Variants in TTLL4 observed in about 807,000 individuals in gnomAD.
TTLL4 encodes the protein tubulin monoglutamylase TTLL4.
A neutral mutation model predicts 122.7 loss-of-function variants in TTLL4; 85 were observed. The ratio of observed to expected loss-of-function variants is 0.69; its 90% CI spans 0.58 to 0.83. The LOEUF (loss-of-function observed/expected upper bound fraction) is 0.83, where lower values mean the gene tolerates loss of function less well. TTLL4 is among the 40% of genes least tolerant of loss of function. The probability of loss-of-function intolerance (pLI) is 0.00; values close to 1 mark genes in which losing one functional copy is unlikely to be tolerated. For missense variants in TTLL4, 1,363 were observed against 1,488.6 expected (o/e 0.92, Z 1.39); for synonymous variants, 553 against 563.0 (o/e 0.98, Z 0.25).
intron 2 of TTLL4, among the ~76,000 whole-genome samples, chr2:218,729,065 T>C (rs1024707260): frequency 1.3e-5 from 2 of 151,864 alleles, no homozygotes; most frequent in Non-Finnish European, 2.9e-5. Flanking sequence ...CCCAAGTAGC[T>C]GGGATTATGG....
Position 218,737,618 on chromosome 2 carries a change from T to C in TTLL4, c.-59T>C, listed in dbSNP as rs1575171882. The C allele has an allele frequency of 6.6e-7, 1 of 1,512,572 alleles. No homozygotes were observed. Among genetic ancestry groups the C allele is most frequent in the Non-Finnish European group, 8.9e-7 (1 of 1,129,558 alleles). The allele number at this position is 1,512,572 out of a possible 1,614,324, so 93.7% of individuals were successfully genotyped here. ...AGGATGCAGCTGCTACTACCGGAGG[T>C]GTGTGGCACCTTACCTCAGCAAGGC... is the stretch of plus-strand genomic sequence containing the variant. On this transcript the variant is annotated 5_prime_UTR_variant, in exon 3 of 20. Transcript: ENST00000392102.
rs1942619652 is a variant in TTLL4, at chr2:218,738,909, T to C, written c.1233T>C (p.Asn411=). The C allele has an allele frequency of 6.2e-7, 1 of 1,614,210 alleles. No homozygotes were observed. The highest frequency in any genetic ancestry group is 1.3e-5 in the African/African-American group (1 of 75,046). Residue 411 remains asparagine (N), a synonymous_variant, in exon 3 of 20, where the codon AAT becomes AAC. Transcript: ENST00000392102. The stretch of plus-strand genomic sequence containing the variant: ...CCTCAGATACCTTGGGGTTGGACAA[T>C]ACAGTCTTCTGTACCAAGCGTATCA... ...PGASDTLGLD[N]TVFCTKRISI...
At chr2:218,729,038 T>G (rs1205817173) in intron 2 of TTLL4, among the ~76,000 whole-genome samples, 1 of 151,070 alleles carries the variant, frequency 6.6e-6, no homozygotes, top group Non-Finnish European at 1.5e-5. Context: ...GTTCAAGAGA[T>G]GCTCCTGCCT....
At chr2:218,731,080 C>T (rs965276948) in intron 2 of TTLL4, among the ~76,000 whole-genome samples, 1 of 151,546 alleles carries the variant, frequency 6.6e-6, no homozygotes, top group Admixed American at 6.6e-5. Flanking sequence ...CCGCTGCACT[C>T]CAGCCTTGGT....
At position 218,747,605 on chromosome 2, in the gene TTLL4, A is replaced by T; in HGVS notation, c.2258A>T (p.His753Leu). 1 of 1,614,212 alleles carries T rather than the reference A, an allele frequency of 6.2e-7. No homozygotes were observed. Among genetic ancestry groups the T allele is most frequent in the Non-Finnish European group, 8.5e-7 (1 of 1,180,022 alleles). ...RRPLLVQRYL[H>L]KPYLISGSKF... Reference sequence around the variant, plus strand: ...GCCTTTGTCCTATGTAGGTATCTACACAAACCCTACCTCATCAGCGGCAGC... The same window carrying T: ...GCCTTTGTCCTATGTAGGTATCTACTCAAACCCTACCTCATCAGCGGCAGC... The change falls in exon 11 of 20, where the codon CAC becomes CTC. Residue 753 changes from histidine (H) to leucine (L), a missense_variant. By Grantham distance (99) the His-to-Leu change is moderately conservative (BLOSUM62 -3). Around this residue, in one of 3 missense-constraint regions of TTLL4, gnomAD observed 596 missense variants for 655.8 expected, o/e 0.91. Coordinates refer to ENST00000392102, the MANE Select transcript of TTLL4 (RefSeq NM_014640.5). The surrounding 1 kb of genome is among the most constrained non-coding windows in gnomAD (Gnocchi z 4.7).
chr2:218,733,518 G>A (rs1206672396), intron 2 of TTLL4, among the ~76,000 whole-genome samples: 1 of 152,100 alleles, frequency 6.6e-6, no homozygotes, highest in Non-Finnish European at 1.5e-5. Context: ...CCAACATTGG[G>A]GATTACAACT....
In TTLL4 at chr2:218,738,299, C is replaced by T. The variant is rs757990121; in HGVS notation, c.623C>T (p.Pro208Leu). The T allele has an allele frequency of 3.3e-5, 54 of 1,614,012 alleles. No homozygotes were observed. The highest frequency in any genetic ancestry group is 3.9e-5 in the Non-Finnish European group (46 of 1,180,034). ...GCCATCTCAGGGAAGATCCCATCTC[C>T]ACTCTCTTCCTCCTATAAGCCCATG... ...ASAISGKIPS[P>L]LSSSYKPMLN... Residue 208 changes from proline to leucine, a missense_variant, in exon 3 of 20, where the codon CCA becomes CTA. Coordinates refer to ENST00000392102, the MANE Select transcript of TTLL4 (RefSeq NM_014640.5).
downstream of TTLL4, among the ~76,000 whole-genome samples, chr2:218,759,194 G>A (rs1362162487): frequency 7.2e-5 from 11 of 152,212 alleles, no homozygotes; most frequent in African/African-American, 2.2e-4. Context: ...GCGGTGAGCC[G>A]AGATCGCCCC....
At chr2:218,714,656 G>A (rs570050128) in intron 1 of TTLL4, among the ~76,000 whole-genome samples, 1 of 152,082 alleles carries the variant, frequency 6.6e-6, no homozygotes, top group African/African-American at 2.4e-5. Context: ...TAGACCGGCA[G>A]TGCTCAGAGC....
chr2:218,719,300 G>T (rs115044478), intron 1 of TTLL4, among the ~76,000 whole-genome samples: 1 of 152,102 alleles, frequency 6.6e-6, no homozygotes, highest in Non-Finnish European at 1.5e-5. Flanking sequence ...AGCTTATAGG[G>T]CATATCACTA....
At chr2:218,753,937 C>T (rs1164925034) in intron 19 of TTLL4, among the ~76,000 whole-genome samples, 197 bp from the exon 20 acceptor site, 1 of 151,252 alleles carries the variant, frequency 6.6e-6, no homozygotes, top group Non-Finnish European at 1.5e-5. Flanking sequence ...CTACCCGCAC[C>T]CCCATTCACT....
At position 218,754,724 on chromosome 2, in the gene TTLL4, T is replaced by G; in HGVS notation, c.*335T>G. ...CCATGTGTGGTTTGTCTGGGGGCCC[T>G]GGTGTGGTTGCTGAGTTGTAGCTCA... On this transcript the variant is annotated 3_prime_UTR_variant, in exon 20 of 20. Transcript: ENST00000392102. 1 of 345,996 alleles carries G rather than the reference T, an allele frequency of 2.9e-6. No homozygotes were observed. The highest frequency in any genetic ancestry group is 5.3e-6 in the Non-Finnish European group (1 of 187,668). The allele number at this position is 345,996 out of a possible 1,614,324, so 21.4% of individuals were successfully genotyped here.
rs548186206 is a variant in TTLL4, at chr2:218,730,311, C to CAAAAAAAAAAAAAAAAAA, written c.-99+2985_-99+3002dup. 7.6e-3 allele frequency among the ~76,000 whole-genome samples: 108 copies of CAAAAAAAAAAAAAAAAAA among 14,302 alleles called. 31 individuals are homozygous for CAAAAAAAAAAAAAAAAAA. The highest frequency in any genetic ancestry group is 0.016 in the East Asian group (9 of 558). The allele number at this position is 14,302 out of a possible 152,430, so 9.4% of individuals were successfully genotyped here. A position where few individuals can be genotyped will look rare whatever the true frequency, so the allele number is the denominator to read the frequency against. On this transcript the variant is annotated intron_variant, in intron 2 of 19. Transcript: ENST00000392102. ...TGAAACCCCATCTTTACTAAAAATC[C>CAAAAAAAAAAAAAAAAAA]AAAAAAAAAAAAAAAAAAAAAAAAA...
chr2:218,750,570 C>T (rs934586644), intron 15 of TTLL4, among the ~76,000 whole-genome samples: 2 of 152,086 alleles, frequency 1.3e-5, no homozygotes, highest in African/African-American at 4.8e-5. Flanking sequence ...CCTGGGCAGT[C>T]AGGGTCCCAG....
rs751409202 is a variant in TTLL4, at chr2:218,747,556, A to G, written c.2250-41A>G. On this transcript the variant is annotated intron_variant, in intron 10 of 19. Transcript: ENST00000392102. This position sits in a 1 kb window ranked among gnomAD's most constrained non-coding sequence, Gnocchi z 4.7. ...GTGGCTTGGTTACCCACTGAGCCCC[A>G]TCATCTGGCTGTATGAGAAGCTGGC... 1 of 1,608,052 alleles carries G rather than the reference A, an allele frequency of 6.2e-7. No homozygotes were observed. The highest frequency in any genetic ancestry group is 1.3e-5 in the African/African-American group (1 of 74,826).
chr2:218,750,434 G>T (rs903064456), intron 15 of TTLL4, among the ~76,000 whole-genome samples: 2 of 152,128 alleles, frequency 1.3e-5, no homozygotes, highest in Admixed American at 6.5e-5. Flanking sequence ...GAAGCAGGGG[G>T]ATCTTTTAAG....
intron 1 of TTLL4, among the ~76,000 whole-genome samples, chr2:218,720,597 G>A (rs1942004447): frequency 6.6e-6 from 1 of 151,062 alleles, no homozygotes; most frequent in Admixed American, 6.6e-5. Context: ...TTGCATGAAC[G>A]CGGGAGGCAG....
chr2:218,745,783 C>T lies in TTLL4; in HGVS notation c.1879C>T (p.His627Tyr). 1.2e-6 allele frequency: 2 copies of T among 1,613,382 alleles called. No individual in the cohort carries two copies. The highest frequency in any genetic ancestry group is 1.1e-5 in the South Asian group (1 of 90,896). ...NIVKQTIGRSHFKISKRNDDW... is the reference protein window; with the variant it reads ...NIVKQTIGRSYFKISKRNDDW... The stretch of plus-strand genomic sequence containing the variant: ...TGTCAAGCAGACCATTGGACGGTCC[C>T]ACTTCAAAATCAGCAAAAGTGAGTT... Residue 627 changes from histidine (H) to tyrosine (Y), a missense_variant, in exon 7 of 20, where the codon CAC becomes TAC. Physicochemically the swap from His to Tyr is moderately conservative, Grantham distance 83. Around this residue, in one of 3 missense-constraint regions of TTLL4, gnomAD observed 760 missense variants for 808.4 expected, o/e 0.94. Transcript: ENST00000392102.
intron 15 of TTLL4, among the ~76,000 whole-genome samples, chr2:218,750,510 T>C (rs1271219950): frequency 1.3e-5 from 2 of 152,136 alleles, no homozygotes; most frequent in East Asian, 3.9e-4. Context: ...GTACTCTCTT[T>C]AGCCTGGGCA....
Sources: allele counts gnomAD v4.1 joint callset (sites outside exome capture counted in the v4.1 genomes callset), GRCh38; gene constraint gnomAD v4.1.1; regional missense constraint gnomAD v4.1.1; non-coding constraint Gnocchi (gnomAD v3.1); transcripts MANE v1.5; gene names NCBI Gene and HGNC (gene_info 2026-07-23, HGNC 2026-07-21).